REXO4: variants seen among roughly 807,000 people sequenced by gnomAD.
REXO4 encodes RNA exonuclease 4, also known as REX4 homolog, 3'-5' exonuclease.
In REXO4, 29 loss-of-function variants were observed where a neutral mutation model predicts 39.9. The observed-to-expected ratio is 0.73, with a 90% CI of 0.54 to 0.99. The LOEUF is 0.99. REXO4 is among the 50% of genes least tolerant of loss of function. The probability of loss-of-function intolerance (pLI) is 0.00; values close to 1 mark genes in which losing one functional copy is unlikely to be tolerated. For synonymous variants in REXO4, 184 were observed against 206.2 expected, an observed-to-expected ratio of 0.89 and a Z score of 0.92; for missense variants, 524 against 546.5, an observed-to-expected ratio of 0.96 and a Z score of 0.41.
chr9:133,411,187 G>C (rs1839194336), intron 4 of REXO4, 114 bp from the exon 5 acceptor site: 5 of 830,106 alleles, frequency 6.0e-6, no homozygotes, highest in African/African-American at 3.4e-5. Context: ...GGTCAGGCCT[G>C]CAATGCCACT....
chr9:133,417,859 G>T lies in REXO4; in HGVS notation c.-15C>A. Reference sequence around the variant, plus strand: ...GCCTTCCCCATCCTGCTGCCGTCCAGCGCCTGGGCCGGCGGCCACCCGAGA... The same window carrying T: ...GCCTTCCCCATCCTGCTGCCGTCCATCGCCTGGGCCGGCGGCCACCCGAGA... On this transcript the variant is annotated 5_prime_UTR_variant, in exon 1 of 8. In the 5' UTR this introduces an upstream ATG that the reference lacks. Coordinates refer to ENST00000371942, the MANE Select transcript of REXO4 (RefSeq NM_020385.4). 6.3e-7 allele frequency: 1 copy of T among 1,594,828 alleles called. No homozygotes were observed. The highest frequency in any genetic ancestry group is 8.5e-7 in the Non-Finnish European group (1 of 1,177,686).
At chr9:133,410,324 C>A (rs1447005590) in intron 5 of REXO4, among the ~76,000 whole-genome samples, 1 of 152,186 alleles carries the variant, frequency 6.6e-6, no homozygotes, top group Non-Finnish European at 1.5e-5. Context: ...CTCAAAGTGA[C>A]CCCCACCCTG....
chr9:133,412,743 T>G, intron 3 of REXO4, 35 bp downstream of exon 3: 1 of 1,603,174 alleles, frequency 6.2e-7, no homozygotes, highest in Non-Finnish European at 8.5e-7. Flanking sequence ...CGGCTAAGCA[T>G]CCCCAGCAGA....
At position 133,407,873 on chromosome 9, in the gene REXO4, C is replaced by T. The variant is rs782051748; in HGVS notation, c.1083G>A (p.Arg361=). 1.2e-6 allele frequency: 2 copies of T among 1,613,618 alleles called. No individual in the cohort carries two copies. Among genetic ancestry groups the T allele is most frequent in the Non-Finnish European group, 1.7e-6 (2 of 1,179,828 alleles). The change falls in exon 7 of 8, where the codon AGG becomes AGA. Residue 361 remains arginine, a synonymous_variant. Coordinates refer to ENST00000371942, the MANE Select transcript of REXO4 (RefSeq NM_020385.4). ...TCTCTGAAAGTAGTCTCAGAGACGGCCTTCCACTCTGCAAAGGGGGAAGAG... is the reference window on the plus strand; with the variant it reads ...TCTCTGAAAGTAGTCTCAGAGACGGTCTTCCACTCTGCAAAGGGGGAAGAG... ...KPFKSQVKSG[R]PSLRLLSEKI...
At chr9:133,408,339 G>A (rs28540113) in intron 6 of REXO4, among the ~76,000 whole-genome samples, 15,982 of 152,096 alleles carry the variant, frequency 0.11, 1,052 homozygotes, top group African/African-American at 0.18. Flanking sequence ...TATGCCTGCA[G>A]TCCCAGCTAC....
At chr9:133,413,032 T>C in intron 2 of REXO4, 111 bp from the exon 3 acceptor site, 1 of 1,202,082 alleles carries the variant, frequency 8.3e-7, no homozygotes, top group Non-Finnish European at 1.2e-6. Context: ...AGCCTGCCTC[T>C]CCCACAGGCT....
At chr9:133,417,586 CG>C in intron 1 of REXO4, 33 bp downstream of exon 1, 1 of 1,602,960 alleles carries the variant, frequency 6.2e-7, no homozygotes, top group Non-Finnish European at 8.5e-7. Flanking sequence ...GAATGAGCTG[CG>C]CAGCGCTCCG....
intron 1 of REXO4, 70 bp from the exon 2 acceptor site, chr9:133,415,081 AC>A: frequency 7.8e-7 from 1 of 1,285,242 alleles, no homozygotes; most frequent in South Asian, 1.4e-5. Context: ...GAAAAAACTT[AC>A]GTGTGTATGT....
At position 133,412,387 on chromosome 9, in the gene REXO4, G is replaced by A. The variant is rs782780392; in HGVS notation, c.822C>T (p.Cys274=). 1.5e-5 allele frequency: 25 copies of A among 1,613,960 alleles called. No individual in the cohort carries two copies. The highest frequency in any genetic ancestry group is 8.3e-5 in the Admixed American group (5 of 59,978). ...TTGGTTTGACGTACTTGTCATAAACGCACTTCCCATACTGGTTCACGATGG... is the reference window on the plus strand; with the variant it reads ...TTGGTTTGACGTACTTGTCATAAACACACTTCCCATACTGGTTCACGATGG... ...RVSIVNQYGK[C]VYDKYVKPTE... is the part of the protein sequence containing the mutation. Residue 274 remains cysteine (C), a synonymous_variant, in exon 4 of 8, where the codon TGC becomes TGT. Coordinates refer to ENST00000371942, the MANE Select transcript of REXO4 (RefSeq NM_020385.4).
intron 7 of REXO4, among the ~76,000 whole-genome samples, chr9:133,407,383 T>C (rs4962140): frequency 0.11 from 16,181 of 151,866 alleles, 1,108 homozygotes; most frequent in African/African-American, 0.19. Context: ...GCAGGTTGGG[T>C]GCTGGGCACA....
At chr9:133,416,514 G>A (rs993403714) in intron 1 of REXO4, among the ~76,000 whole-genome samples, 3 of 152,200 alleles carry the variant, frequency 2.0e-5, no homozygotes, top group African/African-American at 7.2e-5. Context: ...GGGAGGCTGA[G>A]GCAGGAGAAT....
At chr9:133,410,499 T>C (rs1382324385) in intron 5 of REXO4, among the ~76,000 whole-genome samples, 1 of 152,210 alleles carries the variant, frequency 6.6e-6, no homozygotes, top group Non-Finnish European at 1.5e-5. Context: ...GAATTTGCAC[T>C]TTCCATCTGA....
intron 2 of REXO4, among the ~76,000 whole-genome samples, chr9:133,413,474 T>C (rs1440658226): frequency 6.6e-6 from 1 of 152,084 alleles, no homozygotes; most frequent in Admixed American, 6.5e-5. Flanking sequence ...ACACAAAGAA[T>C]ATAAAACAGA....
At chr9:133,416,544 G>C (rs1839615790) in intron 1 of REXO4, among the ~76,000 whole-genome samples, 1 of 152,188 alleles carries the variant, frequency 6.6e-6, no homozygotes, top group African/African-American at 2.4e-5. Flanking sequence ...CCAGGCAGCA[G>C]TGAGCTATGA....
intron 1 of REXO4, among the ~76,000 whole-genome samples, chr9:133,416,911 C>T (rs1554781691): frequency 1.3e-5 from 2 of 152,318 alleles, no homozygotes; most frequent in Non-Finnish European, 1.5e-5. Flanking sequence ...ACTTCAAGAC[C>T]GTAAGTGTCG....
chr9:133,414,328 G>A lies in REXO4; in HGVS notation c.572+337C>T, dbSNP rs587657081. On this transcript the variant is annotated intron_variant, in intron 2 of 7. Coordinates refer to ENST00000371942, the MANE Select transcript of REXO4 (RefSeq NM_020385.4). ...GCCACCATGACTACCACAAGGCACA[G>A]AGGACGTCAGAAACTTGCCCCAAAC... The A allele has an allele frequency of 8.6e-4, 451 of 521,752 alleles. 3 individuals are homozygous for A. The highest frequency in any genetic ancestry group is 1.5e-3 in the Non-Finnish European group (405 of 272,246). The allele number at this position is 521,752 out of a possible 1,614,324, so 32.3% of individuals were successfully genotyped here. A position where few individuals can be genotyped will look rare whatever the true frequency, so the allele number is the denominator to read the frequency against.
intron 3 of REXO4, 39 bp from the exon 4 acceptor site, chr9:133,412,531 C>T: frequency 6.2e-7 from 1 of 1,604,594 alleles, no homozygotes; most frequent in Admixed American, 1.7e-5. Flanking sequence ...ATAAACACGG[C>T]AGGCCACAGG....
At chr9:133,413,675 C>G (rs931451939) in intron 2 of REXO4, among the ~76,000 whole-genome samples, 1 of 152,206 alleles carries the variant, frequency 6.6e-6, no homozygotes, top group Non-Finnish European at 1.5e-5. Context: ...GTCTCTTGGG[C>G]TAAGGTTAAA....
chr9:133,412,971 G>T (rs1554780627), intron 2 of REXO4, 50 bp from the exon 3 acceptor site: 13 of 1,594,694 alleles, frequency 8.2e-6, no homozygotes, highest in South Asian at 1.1e-5. Context: ...TAGTGCAACT[G>T]GTGGGGTGGG....
Sources: gnomAD v4.1 joint callset for allele counts (sites outside exome capture counted in the v4.1 genomes callset) on GRCh38, gnomAD v4.1.1 for gene constraint, MANE v1.5 for transcripts, NCBI Gene and HGNC (gene_info 2026-07-23, HGNC 2026-07-21) for gene names.